The following CARNMT1 variants were observed in gnomAD, a reference collection of about 807,000 sequenced individuals.
CARNMT1 encodes protein-L-histidine N-pros-methyltransferase CARNMT1.
Under a neutral mutation model 49.6 loss-of-function variants are expected in CARNMT1, and 28 were observed. The ratio of observed to expected loss-of-function variants is 0.56; its 90% CI spans 0.42 to 0.77. The LOEUF (loss-of-function observed/expected upper bound fraction) is 0.77, where lower values mean the gene tolerates loss of function less well. Ranked by LOEUF, CARNMT1 falls within the 30% of genes least tolerant of loss-of-function variation. The pLI is 0.00. For synonymous variants in CARNMT1, 178 were observed against 175.0 expected (o/e 1.02, Z -0.13); for missense variants, 421 against 512.6 (o/e 0.82, Z 1.73).
chr9:75,009,920 T>A (rs1469402293), intron 3 of CARNMT1: 1 of 152,086 alleles, frequency 6.6e-6, no homozygotes, highest in Non-Finnish European at 1.5e-5. Flanking sequence ...GATTTTAAAA[T>A]AACCATGAAA....
chr9:74,999,461 G>T (rs115199467), intron 4 of CARNMT1, among the ~76,000 whole-genome samples: 98 of 152,236 alleles, frequency 6.4e-4, no homozygotes, highest in African/African-American at 2.1e-3. Flanking sequence ...ACTTAGTCCT[G>T]AAGATTTTGT....
intron 1 of CARNMT1, among the ~76,000 whole-genome samples, chr9:75,026,179 A>C (rs955919530): frequency 1.3e-5 from 2 of 152,200 alleles, no homozygotes; most frequent in Non-Finnish European, 2.9e-5. Context: ...TCCTGAATCC[A>C]ACATTACGCT....
At chr9:74,993,370 G>A (rs565819774) in intron 6 of CARNMT1, among the ~76,000 whole-genome samples, 17 of 152,262 alleles carry the variant, frequency 1.1e-4, no homozygotes, top group African/African-American at 3.6e-4. Context: ...GTCAGAGAAG[G>A]GGTGGTAAAA....
In CARNMT1 at chr9:75,028,013, C is replaced by T; in HGVS notation, c.229G>A (p.Gly77Ser). 2 of 1,567,464 alleles carry T rather than the reference C, an allele frequency of 1.3e-6. No individual in the cohort carries two copies. The highest frequency in any genetic ancestry group is 1.7e-6 in the Non-Finnish European group (2 of 1,159,980). ...CGGGGTCCGCCACGGGCTCCTTACC[C>T]GTAGTAGCGGAAGGCATTAATGATC... ...WKIINAFRYY[G>S]TSMHERVNRT... The change falls in exon 1 of 8, where the codon GGC becomes AGC. Residue 77 changes from glycine (G) to serine (S), a missense_variant and splice_region_variant. Gly to Ser is a moderately conservative substitution (Grantham distance 56, BLOSUM62 0). This residue lies in a region of CARNMT1 where 186 missense variants were observed against 167.9 expected (regional missense o/e 1.11). Transcript: ENST00000376834.
At chr9:75,014,517 C>T (rs1036901910) in intron 3 of CARNMT1, among the ~76,000 whole-genome samples, 5 of 151,930 alleles carry the variant, frequency 3.3e-5, no homozygotes, top group South Asian at 2.1e-4. Flanking sequence ...TTCAGACACA[C>T]ACATACATAA....
At chr9:75,017,572 A>C in intron 1 of CARNMT1, 124 bp from the exon 2 acceptor site, 1 of 786,222 alleles carries the variant, frequency 1.3e-6, no homozygotes, top group Non-Finnish European at 2.0e-6. Context: ...TATCATTTAC[A>C]ATCTCTTGGC....
At chr9:75,021,882 G>A (rs1055241433) in intron 1 of CARNMT1, among the ~76,000 whole-genome samples, 7 of 151,914 alleles carry the variant, frequency 4.6e-5, no homozygotes, top group Non-Finnish European at 8.8e-5. Context: ...AGGGGGCAGC[G>A]AGCTATGATT....
intron 3 of CARNMT1, among the ~76,000 whole-genome samples, chr9:75,002,366 A>G (rs1191944001): frequency 6.6e-6 from 1 of 152,224 alleles, no homozygotes; most frequent in Non-Finnish European, 1.5e-5. Flanking sequence ...AGAAGTAAAT[A>G]CAACTTTTAA....
chr9:74,994,676 T>A (rs910187019), intron 6 of CARNMT1, among the ~76,000 whole-genome samples: 2 of 152,088 alleles, frequency 1.3e-5, no homozygotes, highest in African/African-American at 4.8e-5. Flanking sequence ...ACAGATTAGA[T>A]GCCCAGAACA....
chr9:75,010,307 T>C (rs971545902), intron 3 of CARNMT1: 2 of 152,016 alleles, frequency 1.3e-5, no homozygotes, highest in Non-Finnish European at 2.9e-5. Context: ...GTATTTTTAG[T>C]AGAGACAGGG....
chr9:74,984,937 G>A lies in CARNMT1; in HGVS notation c.1098C>T (p.Asn366=), dbSNP rs1380320287. The change falls in exon 7 of 8, where the codon AAC becomes AAT. Residue 366 remains asparagine, a synonymous_variant. Transcript: ENST00000376834. ...CCTTGAATCCATACTGCAGAACAAC[G>A]TTTTTTATATCCTCATAGCTCAATT... The part of the protein sequence containing the change: ...SIELSYEDIK[N]VVLQYGFKVE... 4 of 1,613,432 alleles carry A rather than the reference G, an allele frequency of 2.5e-6. No homozygotes were observed. The highest frequency in any genetic ancestry group is 1.7e-5 in the Admixed American group (1 of 59,964).
In CARNMT1 at chr9:74,983,728, CT is replaced by C; in HGVS notation, c.*38del. The C allele has an allele frequency of 8.0e-7, 1 of 1,246,548 alleles. No individual in the cohort carries two copies. The highest frequency in any genetic ancestry group is 1.1e-6 in the Non-Finnish European group (1 of 876,186). 77.2% of individuals were successfully genotyped at this position (1,246,548 alleles called of 1,614,324 possible). A position where few individuals can be genotyped will look rare whatever the true frequency, so the allele number is the denominator to read the frequency against. On this transcript the variant is annotated 3_prime_UTR_variant, in exon 8 of 8. Transcript: ENST00000376834. ...TGAGTCGTTGATTTCAGCATTTGTT[CT>C]TACTAAACTTTTTTCCAGGTGGTAT...
At chr9:74,987,291 C>T (rs113785226) in intron 6 of CARNMT1, among the ~76,000 whole-genome samples, 15 of 152,270 alleles carry the variant, frequency 9.9e-5, no homozygotes, top group South Asian at 4.1e-4. Context: ...TACGTATTTA[C>T]GCAGGATAAA....
chr9:74,992,418 T>C (rs995704293), intron 6 of CARNMT1, among the ~76,000 whole-genome samples: 1 of 152,224 alleles, frequency 6.6e-6, no homozygotes, highest in Non-Finnish European at 1.5e-5. Context: ...GTTAGATTCA[T>C]TTTATTAATT....
intron 3 of CARNMT1, among the ~76,000 whole-genome samples, chr9:75,011,622 T>C (rs1053082517): frequency 1.3e-5 from 2 of 152,114 alleles, no homozygotes; most frequent in African/African-American, 2.4e-5. Flanking sequence ...CCCATCTCAG[T>C]CTCTCAAAGT....
rs559841091 is a variant in CARNMT1, at chr9:74,989,180, T to G, written c.1025-4170A>C. Among the ~76,000 whole-genome samples, 9 of 152,324 alleles carry G rather than the reference T, an allele frequency of 5.9e-5. 1 individual carries two copies. The South Asian group carries it at 1.7e-3, about 28-fold the overall frequency. On this transcript the variant is annotated intron_variant, in intron 6 of 7. Coordinates refer to ENST00000376834, the MANE Select transcript of CARNMT1 (RefSeq NM_152420.3). ...AGGTTGAAGTACAATGGCATAGGCATAGTTCACTGCAGCCTTGAATTTCTG... is the reference window on the plus strand; with the variant it reads ...AGGTTGAAGTACAATGGCATAGGCAGAGTTCACTGCAGCCTTGAATTTCTG...
At chr9:75,021,514 A>C (rs943966247) in intron 1 of CARNMT1, among the ~76,000 whole-genome samples, 1 of 148,930 alleles carries the variant, frequency 6.7e-6, no homozygotes, top group African/African-American at 2.4e-5. Flanking sequence ...GAGTAGGTAT[A>C]TCTCATTTAT....
chr9:75,027,783 A>C (rs1420132350), intron 1 of CARNMT1, among the ~76,000 whole-genome samples: 1 of 152,240 alleles, frequency 6.6e-6, no homozygotes, highest in Non-Finnish European at 1.5e-5. Flanking sequence ...CTGAGGTCAG[A>C]AGACACGAGG....
At chr9:75,005,236 T>C (rs1833465845) in intron 3 of CARNMT1, among the ~76,000 whole-genome samples, 1 of 152,170 alleles carries the variant, frequency 6.6e-6, no homozygotes, top group African/African-American at 2.4e-5. Context: ...AGTGTTCAAA[T>C]ACTATTTAAA....
Sources: allele counts gnomAD v4.1 joint callset (sites outside exome capture counted in the v4.1 genomes callset), GRCh38; gene constraint gnomAD v4.1.1; regional missense constraint gnomAD v4.1.1; transcripts MANE v1.5; gene names NCBI Gene and HGNC (gene_info 2026-07-23, HGNC 2026-07-21).